Variants in SVIL observed in about 807,000 individuals in gnomAD.
SVIL encodes archvillin.
Under a neutral mutation model 240.4 loss-of-function variants are expected in SVIL, and 101 were observed. That is an observed-to-expected ratio of 0.42 (90% CI 0.36 to 0.50). SVIL has a LOEUF of 0.50. Ranked by LOEUF, SVIL falls within the 20% of genes least tolerant of loss-of-function variation. The pLI, the probability that SVIL is intolerant of heterozygous loss-of-function variation, is 0.01. For synonymous variants in SVIL, 999 were observed against 1,100.0 expected, an observed-to-expected ratio of 0.91 and a Z score of 1.82; for missense variants, 2,512 against 2,818.7, an observed-to-expected ratio of 0.89 and a Z score of 2.46.
intron 1 of SVIL, among the ~76,000 whole-genome samples, chr10:29,611,902 C>T (rs1957258294): frequency 6.6e-6 from 1 of 152,114 alleles, no homozygotes; most frequent in African/African-American, 2.4e-5. Context: ...CACGCCAGAA[C>T]CAGGGGGAGA....
At chr10:29,566,112 G>A (rs1954941292) in intron 2 of SVIL, among the ~76,000 whole-genome samples, 1 of 152,036 alleles carries the variant, frequency 6.6e-6, no homozygotes, top group South Asian at 2.1e-4. Context: ...TCAGTCATAA[G>A]CCCCTCCTCC....
At chr10:29,577,554 T>C (rs1285596689) in intron 1 of SVIL, among the ~76,000 whole-genome samples, 1 of 152,234 alleles carries the variant, frequency 6.6e-6, no homozygotes, top group African/African-American at 2.4e-5. Flanking sequence ...ACAGTGTATA[T>C]ATACCACATT....
rs34048226 is a variant in SVIL at position 29,457,924 on chromosome 10, CAAAA to C, written c.*319_*322del. 9.0e-4 allele frequency: 125 copies of C among 138,572 alleles called. No homozygotes were observed. Among genetic ancestry groups the C allele is most frequent in the East Asian group, 2.2e-3 (12 of 5,396 alleles). The allele number at this position is 138,572 out of a possible 1,614,324, so 8.6% of individuals were successfully genotyped here. A position where few individuals can be genotyped will look rare whatever the true frequency, so the allele number is the denominator to read the frequency against. On this transcript the variant is annotated 3_prime_UTR_variant, in exon 38 of 38. Transcript: ENST00000355867. ...TAACACTTTATAAAGAGAACTGCTT[CAAAA>C]AAAAAAAAAAAAGGCATTGCCTAGC...
intron 1 of SVIL, among the ~76,000 whole-genome samples, chr10:29,732,749 G>A (rs1223020804): frequency 6.6e-6 from 1 of 152,278 alleles, no homozygotes; most frequent in East Asian, 1.9e-4. Context: ...GATTAGGCCA[G>A]CACCATTTTC....
At chr10:29,729,450 G>GGGGT (rs369489044) in intron 1 of SVIL, among the ~76,000 whole-genome samples, 53 of 136,784 alleles carry the variant, frequency 3.9e-4, no homozygotes, top group African/African-American at 1.5e-3. Flanking sequence ...TGTTTATGGA[G>GGGGT]GTGTGTGTGT....
chr10:29,464,537 C>T (rs1944659946), intron 34 of SVIL, among the ~76,000 whole-genome samples: 1 of 152,172 alleles, frequency 6.6e-6, no homozygotes, highest in African/African-American at 2.4e-5. Context: ...ACTCTTACTC[C>T]AGGTGGCAAA....
intron 2 of SVIL, among the ~76,000 whole-genome samples, chr10:29,684,182 TGCA>T (rs1960882011): frequency 6.6e-6 from 1 of 152,190 alleles, no homozygotes; most frequent in South Asian, 2.1e-4. Context: ...GAGGCTCTTC[TGCA>T]GCAACATCCT....
At position 29,523,443 on chromosome 10, in the gene SVIL, T is replaced by C. The variant is rs745388255; in HGVS notation, c.3163+8A>G. 6.3e-7 allele frequency: 1 copy of C among 1,584,494 alleles called. No individual in the cohort carries two copies. The highest frequency in any genetic ancestry group is 1.8e-5 in the Admixed American group (1 of 57,100). ...CTTTCTAAAGCTTTAGGGGCACTGG[T>C]CACTTACCTCTTAGTGAAAACTTCC... On this transcript the variant is annotated splice_region_variant and intron_variant, in intron 15 of 37. Coordinates refer to ENST00000355867, the MANE Select transcript of SVIL (RefSeq NM_021738.3).
intron 1 of SVIL, among the ~76,000 whole-genome samples, chr10:29,700,060 GA>G (rs1312839058): frequency 6.6e-6 from 1 of 152,162 alleles, no homozygotes; most frequent in East Asian, 1.9e-4. Context: ...TGACACACTA[GA>G]GAGTAAAAAC....
chr10:29,497,747 G>A (rs1948554914), intron 18 of SVIL, among the ~76,000 whole-genome samples: 1 of 152,164 alleles, frequency 6.6e-6, no homozygotes, highest in African/African-American at 2.4e-5. Context: ...GGCTGACTTA[G>A]GGTACATGGT....
intron 1 of SVIL, among the ~76,000 whole-genome samples, chr10:29,708,099 A>G (rs1963022299): frequency 6.6e-6 from 1 of 151,644 alleles, no homozygotes; most frequent in Non-Finnish European, 1.5e-5. Context: ...CCACTAAAAA[A>G]TAGAAAAAAT....
At chr10:29,583,026 G>A (rs1956018164) in intron 1 of SVIL, among the ~76,000 whole-genome samples, 1 of 152,166 alleles carries the variant, frequency 6.6e-6, no homozygotes, top group Non-Finnish European at 1.5e-5. Flanking sequence ...AGTCGTCACA[G>A]AGGAGAATTT....
At chr10:29,576,180 C>G in intron 1 of SVIL, 1 of 915,334 alleles carries the variant, frequency 1.1e-6, no homozygotes, top group Non-Finnish European at 1.3e-6. Flanking sequence ...TAAATAAGAC[C>G]TTTATGGACA....
At chr10:29,508,646 T>C in intron 17 of SVIL, 1 of 342,058 alleles carries the variant, frequency 2.9e-6, no homozygotes, top group Non-Finnish European at 5.8e-6. Context: ...TCTCCTGCAC[T>C]ATGATCTGGA....
At chr10:29,661,866 T>C (rs1589469878) in intron 2 of SVIL, among the ~76,000 whole-genome samples, 1 of 152,180 alleles carries the variant, frequency 6.6e-6, no homozygotes, top group African/African-American at 2.4e-5. Context: ...TCTCATTATG[T>C]TGCTCAGGCT....
intron 8 of SVIL, 22 bp downstream of exon 8, chr10:29,532,507 G>A (rs1236279541): frequency 6.3e-7 from 1 of 1,588,756 alleles, no homozygotes; most frequent in African/African-American, 1.3e-5. Context: ...CACAGCTGGA[G>A]GGCGTGTGAA....
Position 29,604,363 on chromosome 10 carries a change from CTTTTTTTTT to C in SVIL, c.-201+30048_-201+30056del, listed in dbSNP as rs71525560. 2.3e-4 allele frequency among the ~76,000 whole-genome samples: 9 copies of C among 38,426 alleles called. No individual in the cohort carries two copies. The South Asian group carries it at 6.9e-3, about 29-fold the overall frequency. The allele number at this position is 38,426 out of a possible 152,430, so 25.2% of individuals were successfully genotyped here. ...TACAGGCATGTGCCACCATGTCTGG[CTTTTTTTTT>C]TTTTTTTTTTTTTTTTTTTGGTATT... On this transcript the variant is annotated intron_variant, in intron 1 of 37. Coordinates refer to ENST00000355867, the MANE Select transcript of SVIL (RefSeq NM_021738.3).
rs1951476509 is a variant in SVIL at position 29,532,892 on chromosome 10, T to A, written c.1475A>T (p.Glu492Val). ...AGGGGGTTGTGCCACGTTTTCCAGT[T>A]CCTTCTGATGCTCTAAGGTGACTGT... Reference protein sequence around the residue: ...VSTVTLEHQKELENVAQPPQA... With the variant: ...VSTVTLEHQKVLENVAQPPQA... The change falls in exon 8 of 38, where the codon GAA becomes GTA. Residue 492 changes from glutamate to valine, a missense_variant. Coordinates refer to ENST00000355867, the MANE Select transcript of SVIL (RefSeq NM_021738.3). The A allele has an allele frequency of 1.2e-6, 2 of 1,614,114 alleles. No individual in the cohort carries two copies. Among genetic ancestry groups the A allele is most frequent in the Non-Finnish European group, 1.7e-6 (2 of 1,180,016 alleles).
chr10:29,616,652 T>A (rs935804639), intron 1 of SVIL, among the ~76,000 whole-genome samples: 4 of 152,232 alleles, frequency 2.6e-5, no homozygotes, highest in Admixed American at 1.3e-4. Flanking sequence ...TTTTTCTGCC[T>A]AAAAGCCAGG....
Sources: gnomAD v4.1 joint callset for allele counts (sites outside exome capture counted in the v4.1 genomes callset) on GRCh38, gnomAD v4.1.1 for gene constraint, MANE v1.5 for transcripts, NCBI Gene and HGNC (gene_info 2026-07-23, HGNC 2026-07-21) for gene names.